SYT1: variants seen among roughly 807,000 people sequenced by gnomAD.
SYT1 encodes the protein synaptotagmin-1.
A neutral mutation model predicts 44.8 loss-of-function variants in SYT1; 8 were observed. The ratio of observed to expected loss-of-function variants is 0.18; its 90% CI spans 0.10 to 0.32. SYT1 has a LOEUF of 0.32. SYT1 is among the 10% of genes least tolerant of loss of function. The probability of loss-of-function intolerance (pLI) is 1.00; values close to 1 mark genes in which losing one functional copy is unlikely to be tolerated. For missense variants in SYT1, 286 were observed against 509.3 expected, an observed-to-expected ratio of 0.56 and a Z score of 4.22; for synonymous variants, 154 against 188.8, an observed-to-expected ratio of 0.82 and a Z score of 1.51.
chr12:79,176,944 C>A (rs1220174004), intron 3 of SYT1, among the ~76,000 whole-genome samples: 2 of 151,910 alleles, frequency 1.3e-5, no homozygotes, highest in Non-Finnish European at 2.9e-5. Context: ...ATTGAACATT[C>A]GTCCAATAAT....
Position 79,309,035 on chromosome 12 carries a change from C to T in SYT1, c.810+9484C>T, listed in dbSNP as rs189662834. Among the ~76,000 whole-genome samples the T allele has an allele frequency of 3.5e-3, 539 of 152,258 alleles. 2 individuals carry two copies. Among genetic ancestry groups the T allele is most frequent in the Middle Eastern group, 6.8e-3 (2 of 294 alleles). ...CACTTTCCTATACAGTGAAAAAGGC[C>T]GGTGAAACAAGTACAGGCCAGATTT... On this transcript the variant is annotated intron_variant, in intron 8 of 10. Coordinates refer to ENST00000261205, the MANE Select transcript of SYT1 (RefSeq NM_005639.3).
intron 3 of SYT1, among the ~76,000 whole-genome samples, chr12:79,125,910 T>C (rs1868408520): frequency 6.6e-6 from 1 of 152,100 alleles, no homozygotes; most frequent in Non-Finnish European, 1.5e-5. Flanking sequence ...TCCTTATTTG[T>C]TTTTTTCTTT....
intron 4 of SYT1, among the ~76,000 whole-genome samples, chr12:79,232,947 C>G (rs144741555): frequency 6.6e-6 from 1 of 152,164 alleles, no homozygotes; most frequent in East Asian, 1.9e-4. Context: ...GCCCTCTACC[C>G]CACTCTACTT....
chr12:78,979,966 A>G (rs1324681709), intron 2 of SYT1, among the ~76,000 whole-genome samples: 1 of 152,118 alleles, frequency 6.6e-6, no homozygotes, highest in Non-Finnish European at 1.5e-5. Context: ...TAAGGTTTCC[A>G]TTTAAATGAA....
At chr12:79,123,851 GA>G (rs992736669) in intron 3 of SYT1, among the ~76,000 whole-genome samples, 4 of 150,286 alleles carry the variant, frequency 2.7e-5, no homozygotes, top group South Asian at 4.2e-4. Context: ...CAGCAAAAAA[GA>G]AAAAAAAAGT....
chr12:79,395,932 T>C (rs1884852481), intron 9 of SYT1, among the ~76,000 whole-genome samples: 1 of 152,246 alleles, frequency 6.6e-6, no homozygotes, highest in Non-Finnish European at 1.5e-5. Context: ...GACATCTTTA[T>C]AGTTTATAAG....
At chr12:79,276,681 A>AAC (rs977911801) in intron 4 of SYT1, among the ~76,000 whole-genome samples, 52 of 151,782 alleles carry the variant, frequency 3.4e-4, no homozygotes, top group African/African-American at 1.2e-3. Context: ...TCAAAAAAAA[A>AAC]AAAACAAAAA....
chr12:79,093,862 A>G (rs1459920894), intron 3 of SYT1, among the ~76,000 whole-genome samples: 1 of 151,690 alleles, frequency 6.6e-6, no homozygotes, highest in Admixed American at 6.6e-5. Flanking sequence ...ATTCTTAGTA[A>G]TCTTATTTTC....
At chr12:78,999,239 T>C (rs896209018) in intron 2 of SYT1, among the ~76,000 whole-genome samples, 2 of 152,216 alleles carry the variant, frequency 1.3e-5, no homozygotes, top group African/African-American at 2.4e-5. Context: ...CTAAGTGTTT[T>C]TGAAACTTCA....
chr12:79,333,325 T>C (rs1693477442), intron 8 of SYT1, among the ~76,000 whole-genome samples: 1 of 152,158 alleles, frequency 6.6e-6, no homozygotes, highest in African/African-American at 2.4e-5. Flanking sequence ...TGGCCTCTTT[T>C]ACAAGGACTC....
intron 1 of SYT1, among the ~76,000 whole-genome samples, chr12:78,895,118 G>A (rs73134328): frequency 0.014 from 2,097 of 151,510 alleles, 30 homozygotes; most frequent in Non-Finnish European, 0.022. Context: ...TGTATTCTCC[G>A]TTGAGGTTTT....
chr12:78,868,332 C>T (rs7959160), intron 1 of SYT1, among the ~76,000 whole-genome samples: 5 of 151,546 alleles, frequency 3.3e-5, no homozygotes, highest in Non-Finnish European at 5.9e-5. Context: ...TGTAGGTATG[C>T]GTCTTGCATG....
At chr12:78,956,528 G>A (rs1879226281) in intron 1 of SYT1, among the ~76,000 whole-genome samples, 1 of 151,202 alleles carries the variant, frequency 6.6e-6, no homozygotes, top group African/African-American at 2.4e-5. Context: ...CAGGAATGTG[G>A]CCCAAACACC....
intron 3 of SYT1, among the ~76,000 whole-genome samples, chr12:79,059,735 T>C (rs1875234090): frequency 6.6e-6 from 1 of 152,062 alleles, no homozygotes; most frequent in African/African-American, 2.4e-5. Context: ...CAGGCTACTG[T>C]TAGACAGCCC....
chr12:78,919,985 T>C (rs1164632058), intron 1 of SYT1, among the ~76,000 whole-genome samples: 2 of 151,512 alleles, frequency 1.3e-5, no homozygotes, highest in Non-Finnish European at 1.5e-5. Context: ...TCAGACACCA[T>C]ATATTAGTAG....
chr12:78,924,361 G>A (rs1449966369), intron 1 of SYT1, among the ~76,000 whole-genome samples: 1 of 151,758 alleles, frequency 6.6e-6, no homozygotes, highest in Non-Finnish European at 1.5e-5. Flanking sequence ...GTTACATTGA[G>A]AATAACTAAA....
At chr12:79,350,499 G>A (rs1417273329) in intron 8 of SYT1, among the ~76,000 whole-genome samples, 2 of 151,950 alleles carry the variant, frequency 1.3e-5, no homozygotes, top group South Asian at 2.1e-4. Context: ...TGATCCGCCC[G>A]CCTCGGACTC....
At chr12:79,064,964 GAAA>G (rs1875693489) in intron 3 of SYT1, among the ~76,000 whole-genome samples, 1 of 150,122 alleles carries the variant, frequency 6.7e-6, no homozygotes, top group Non-Finnish European at 1.5e-5. Flanking sequence ...AAGAAAGAAA[GAAA>G]GAAAGAAAGA....
At chr12:79,095,129 G>A (rs1006561954) in intron 3 of SYT1, among the ~76,000 whole-genome samples, 1 of 151,882 alleles carries the variant, frequency 6.6e-6, no homozygotes, top group East Asian at 1.9e-4. Context: ...GAAAACAAAA[G>A]CCATTCATGA....
Sources: gnomAD v4.1 joint callset for allele counts (sites outside exome capture counted in the v4.1 genomes callset) on GRCh38, gnomAD v4.1.1 for gene constraint, MANE v1.5 for transcripts, NCBI Gene and HGNC (gene_info 2026-07-23, HGNC 2026-07-21) for gene names.